OTOF: variants seen among roughly 807,000 people sequenced by gnomAD.
OTOF encodes otoferlin.
A neutral mutation model predicts 236.8 loss-of-function variants in OTOF; 218 were observed. The ratio of observed to expected loss-of-function variants is 0.92; its 90% CI spans 0.82 to 1.03. The LOEUF (loss-of-function observed/expected upper bound fraction) is 1.03. Ranked by LOEUF, OTOF falls within the 50% of genes least tolerant of loss-of-function variation. OTOF has a pLI of 0.00. For synonymous variants in OTOF, 1,041 were observed against 1,072.5 expected (o/e 0.97, Z 0.57); for missense variants, 2,590 against 2,694.4 (o/e 0.96, Z 0.86).
At chr2:26,545,191 A>G (rs1000181042) in intron 1 of OTOF, among the ~76,000 whole-genome samples, 4 of 152,180 alleles carry the variant, frequency 2.6e-5, no homozygotes, top group Non-Finnish European at 5.9e-5. Flanking sequence ...TTTACATTTT[A>G]GCTATTTTAG....
intron 38 of OTOF, 45 bp from the exon 39 acceptor site, chr2:26,465,074 A>G: frequency 7.0e-7 from 1 of 1,429,102 alleles, no homozygotes; most frequent in Non-Finnish European, 9.2e-7. Flanking sequence ...GGTGGGACTA[A>G]GCCATCCTGG....
At chr2:26,522,065 G>A (rs540252276) in intron 3 of OTOF, among the ~76,000 whole-genome samples, 91 of 152,284 alleles carry the variant, frequency 6.0e-4, no homozygotes, top group Middle Eastern at 6.8e-3. Context: ...GCACAGCCTC[G>A]CACAGCCAGA....
rs1010169261 is a variant in OTOF at position 26,489,292 on chromosome 2, T to A, written c.964A>T (p.Ile322Phe). The A allele has an allele frequency of 1.1e-5, 18 of 1,611,532 alleles. No homozygotes were observed. Among genetic ancestry groups the A allele is most frequent in the East Asian group, 1.1e-4 (5 of 44,836 alleles). Residue 322 changes from isoleucine to phenylalanine, a missense_variant, in exon 11 of 47, where the codon ATT becomes TTT. Ile to Phe is a conservative substitution (Grantham distance 21). Around this residue, in one of 2 missense-constraint regions of OTOF, gnomAD observed 1,379 missense variants for 1,341.6 expected, o/e 1.03. Transcript: ENST00000272371. ...CTGCGCAGCAGGTTCTTGGAGTGAA[T>A]CACCTTTCAGGCAGAACCACAGCCC... Reference protein sequence around the residue: ...MFDKIIKISVIHSKNLLRSGT... With the variant: ...MFDKIIKISVFHSKNLLRSGT...
At position 26,470,983 on chromosome 2, in the gene OTOF, A is replaced by G; in HGVS notation, c.3894+138T>C. 1 of 1,202,974 alleles carries G rather than the reference A, an allele frequency of 8.3e-7. No homozygotes were observed. The highest frequency in any genetic ancestry group is 1.5e-5 in the African/African-American group (1 of 67,126). 74.5% of individuals were successfully genotyped at this position (1,202,974 alleles called of 1,614,324 possible). ...CACTCACCCAGCTCTTTTCCACTGC[A>G]TCTTAGGGGAGGTGTGCTGGCCCAA... On this transcript the variant is annotated intron_variant, in intron 31 of 46. Transcript: ENST00000272371. The surrounding 1 kb of genome is among the most constrained non-coding windows in gnomAD (Gnocchi z 4.3).
chr2:26,549,723 GA>G (rs1667414238), intron 1 of OTOF, among the ~76,000 whole-genome samples: 1 of 152,220 alleles, frequency 6.6e-6, no homozygotes, highest in African/African-American at 2.4e-5. Flanking sequence ...GCAGGGCAGG[GA>G]TGATAAATCC....
chr2:26,472,302 A>G, intron 30 of OTOF: 2 of 618,098 alleles, frequency 3.2e-6, no homozygotes, highest in East Asian at 2.9e-5. Flanking sequence ...ATGCGCACAC[A>G]CATGCACATT....
intron 5 of OTOF, among the ~76,000 whole-genome samples, chr2:26,504,912 C>T (rs1666209784): frequency 6.6e-6 from 1 of 152,198 alleles, no homozygotes; most frequent in Non-Finnish European, 1.5e-5. Context: ...TCGCTTACAG[C>T]AGAGTCCACC....
intron 10 of OTOF, 83 bp downstream of exon 10, chr2:26,489,595 G>C: frequency 8.5e-7 from 1 of 1,183,144 alleles, no homozygotes; most frequent in Non-Finnish European, 1.3e-6. Flanking sequence ...CATGGGTCTA[G>C]ACAGAGGGGG....
At chr2:26,536,991 A>C (rs554896629) in intron 2 of OTOF, among the ~76,000 whole-genome samples, 1 of 152,234 alleles carries the variant, frequency 6.6e-6, no homozygotes, top group South Asian at 2.1e-4. Context: ...GGGCAGGGAG[A>C]GGGAAGCGTT....
chr2:26,461,992 C>A lies in OTOF; in HGVS notation c.5292-55G>T. On this transcript the variant is annotated intron_variant, in intron 42 of 46. Coordinates refer to ENST00000272371, the MANE Select transcript of OTOF (RefSeq NM_194248.3). The surrounding 1 kb of genome is among the most constrained non-coding windows in gnomAD (Gnocchi z 6.2). ...CCAGGCTGGTGGGGCCTCTCCCACCCACAGCCACCTTCCCTCTGCCTCCTC... is the reference window on the plus strand; with the variant it reads ...CCAGGCTGGTGGGGCCTCTCCCACCAACAGCCACCTTCCCTCTGCCTCCTC... 1 of 1,613,368 alleles carries A rather than the reference C, an allele frequency of 6.2e-7. No individual in the cohort carries two copies. Among genetic ancestry groups the A allele is most frequent in the East Asian group, 2.2e-5 (1 of 44,860 alleles).
At chr2:26,545,410 C>G (rs1667308125) in intron 1 of OTOF, among the ~76,000 whole-genome samples, 1 of 152,042 alleles carries the variant, frequency 6.6e-6, no homozygotes, top group African/African-American at 2.4e-5. Context: ...GCTACAAGTC[C>G]TTTGTCAGAT....
chr2:26,553,005 G>T (rs1161130391), intron 1 of OTOF, among the ~76,000 whole-genome samples: 1 of 152,176 alleles, frequency 6.6e-6, no homozygotes, highest in Non-Finnish European at 1.5e-5. Context: ...TTTACCAGGG[G>T]CGGCAGATAA....
intron 4 of OTOF, 43 bp downstream of exon 4, chr2:26,518,967 G>T (rs370631438): frequency 2.2e-6 from 3 of 1,363,182 alleles, no homozygotes; most frequent in Non-Finnish European, 2.1e-6. Context: ...CCCCCAGATG[G>T]CCCCATATGG....
chr2:26,475,853 C>T, intron 24 of OTOF, 61 bp downstream of exon 24: 1 of 1,551,390 alleles, frequency 6.4e-7, no homozygotes, highest in Middle Eastern at 1.7e-4. Context: ...CCAGTCCCCA[C>T]AGGCTCACAG....
rs1250742493 is a variant in OTOF, at chr2:26,470,971, C to T, written c.3894+150G>A. ...CACCGAGTCCTGCACTCACCCAGCT[C>T]TTTTCCACTGCATCTTAGGGGAGGT... On this transcript the variant is annotated intron_variant, in intron 31 of 46. Transcript: ENST00000272371. This position sits in a 1 kb window ranked among gnomAD's most constrained non-coding sequence, Gnocchi z 4.3. 9.4e-6 allele frequency: 11 copies of T among 1,166,724 alleles called. No homozygotes were observed. Among genetic ancestry groups the T allele is most frequent in the Non-Finnish European group, 1.4e-5 (11 of 787,740 alleles). The allele number at this position is 1,166,724 out of a possible 1,614,324, so 72.3% of individuals were successfully genotyped here. A position where few individuals can be genotyped will look rare whatever the true frequency, so the allele number is the denominator to read the frequency against.
intron 1 of OTOF, among the ~76,000 whole-genome samples, chr2:26,554,781 G>C (rs1392100711): frequency 6.6e-6 from 1 of 152,022 alleles, no homozygotes; most frequent in Admixed American, 6.5e-5. Flanking sequence ...TCAGGGGGAG[G>C]GTGGGAAGAA....
rs767587090 is a variant in OTOF, at chr2:26,537,692, AG to A, written c.138+23del. The A allele has an allele frequency of 1.9e-5, 29 of 1,539,986 alleles. No individual in the cohort carries two copies. The Admixed American group carries it at 2.9e-4, about 16-fold the overall frequency. ...TCCCCTCTGGGCTCAGGGCTGAGGG[AG>A]GGGGGAGTCTTGGGCCTCCTACCTC... On this transcript the variant is annotated intron_variant, in intron 2 of 46. Coordinates refer to ENST00000272371, the MANE Select transcript of OTOF (RefSeq NM_194248.3).
At chr2:26,495,780 C>T (rs188568879) in intron 8 of OTOF, among the ~76,000 whole-genome samples, 43 of 152,332 alleles carry the variant, frequency 2.8e-4, no homozygotes, top group Non-Finnish European at 4.6e-4. Flanking sequence ...GCGTTCTTCC[C>T]CAGCGTCGAT....
At chr2:26,552,345 G>C (rs1397919181) in intron 1 of OTOF, among the ~76,000 whole-genome samples, 1 of 152,124 alleles carries the variant, frequency 6.6e-6, no homozygotes, top group East Asian at 1.9e-4. Flanking sequence ...AACTATGATT[G>C]TGCCACTGCA....
Sources: gnomAD v4.1 joint callset for allele counts (sites outside exome capture counted in the v4.1 genomes callset) on GRCh38, gnomAD v4.1.1 for gene constraint, gnomAD v4.1.1 regional missense constraint, Gnocchi (gnomAD v3.1) non-coding constraint, MANE v1.5 for transcripts, NCBI Gene and HGNC (gene_info 2026-07-23, HGNC 2026-07-21) for gene names.